Variants in ERI1 observed in about 807,000 individuals in gnomAD.
ERI1 encodes 3'-5' exoribonuclease 1.
A neutral mutation model predicts 39.7 loss-of-function variants in ERI1; 39 were observed. The observed-to-expected ratio is 0.98, with a 90% CI of 0.76 to 1.28. ERI1 has a LOEUF of 1.28. ERI1 is among the 50% of genes most tolerant of loss of function. ERI1 has a pLI of 0.00. For synonymous variants in ERI1, 204 were observed against 149.6 expected, an observed-to-expected ratio of 1.36 and a Z score of -2.65; for missense variants, 581 against 416.9, an observed-to-expected ratio of 1.39 and a Z score of -3.43.
At chr8:9,023,793 C>CATTTTT (rs1818180466) in intron 6 of ERI1, among the ~76,000 whole-genome samples, 1 of 80,532 alleles carries the variant, frequency 1.2e-5, no homozygotes, top group Non-Finnish European at 2.1e-5. Context: ...GTAAAAATGA[C>CATTTTT]TTTTTTTTTT....
At chr8:9,098,116 G>T (rs896606330) in intron 3 of ERI1, among the ~76,000 whole-genome samples, 2 of 152,232 alleles carry the variant, frequency 1.3e-5, no homozygotes, top group African/African-American at 4.8e-5. Context: ...GGGCACAGTG[G>T]CTCACACCTG....
intron 3 of ERI1, among the ~76,000 whole-genome samples, chr8:9,012,872 C>A (rs987072777): frequency 6.6e-6 from 1 of 152,050 alleles, no homozygotes; most frequent in African/African-American, 2.4e-5. Flanking sequence ...ATATGTTTAT[C>A]TCTTTCCTTT....
chr8:9,059,360 A>G (rs1406205169), intron 3 of ERI1, among the ~76,000 whole-genome samples: 2 of 152,070 alleles, frequency 1.3e-5, no homozygotes, highest in African/African-American at 4.8e-5. Flanking sequence ...AAATAGTGGT[A>G]AAGTGTTGGG....
intron 3 of ERI1, among the ~76,000 whole-genome samples, chr8:9,081,838 C>T (rs746361236): frequency 2.0e-5 from 3 of 152,052 alleles, no homozygotes; most frequent in African/African-American, 7.2e-5. Flanking sequence ...AGGGAACCCC[C>T]ACAACTCCCA....
Position 9,024,540 on chromosome 8 carries a change from C to T in ERI1, c.807+4076C>T, listed in dbSNP as rs569160761. On this transcript the variant is annotated intron_variant, in intron 6 of 6. Coordinates refer to ENST00000250263, the MANE Select transcript of ERI1 (RefSeq NM_153332.4). Reference sequence around the variant, plus strand: ...GGTTCAATCAATTCTCCTGCCTCAGCGTCTCAAGTAGCTGAGATTACAGGT... The same window carrying T: ...GGTTCAATCAATTCTCCTGCCTCAGTGTCTCAAGTAGCTGAGATTACAGGT... Among the ~76,000 whole-genome samples, 8 of 152,184 alleles carry T rather than the reference C, an allele frequency of 5.3e-5. No individual in the cohort carries two copies. The South Asian group carries it at 1.2e-3, about 24-fold the overall frequency.
intron 1 of ERI1, among the ~76,000 whole-genome samples, chr8:9,006,227 A>T (rs1407675979): frequency 4.7e-5 from 7 of 150,274 alleles, no homozygotes; most frequent in African/African-American, 1.7e-4. Context: ...TTGGGAGGAG[A>T]CACTGCTTTC....
Position 9,007,907 on chromosome 8 carries a change from G to C in ERI1, c.109-63G>C. ...TGAAAGTTTGAATCTTTAAATCTGT[G>C]ATGTTTGTACTAATTATAAACTACA... On this transcript the variant is annotated intron_variant, in intron 1 of 6. Coordinates refer to ENST00000250263, the MANE Select transcript of ERI1 (RefSeq NM_153332.4). 3 of 1,505,732 alleles carry C rather than the reference G, an allele frequency of 2.0e-6. No individual in the cohort carries two copies. In the Admixed American group the frequency reaches 7.3e-5, roughly 37 times the overall value. 93.3% of individuals were successfully genotyped at this position (1,505,732 alleles called of 1,614,324 possible).
chr8:9,025,894 C>T (rs1396912686), intron 6 of ERI1, among the ~76,000 whole-genome samples: 2 of 151,980 alleles, frequency 1.3e-5, no homozygotes, highest in African/African-American at 4.8e-5. Context: ...ATTTTTGTTT[C>T]ATATATACCT....
intron 6 of ERI1, among the ~76,000 whole-genome samples, chr8:9,024,801 T>C (rs1818300262): frequency 6.6e-6 from 1 of 152,186 alleles, no homozygotes; most frequent in Non-Finnish European, 1.5e-5. Context: ...GAAATACACC[T>C]CTTGACTGTA....
At position 9,031,599 on chromosome 8, in the gene ERI1, A is replaced by T. The variant is rs1157261180; in HGVS notation, c.*1565A>T. 1 of 152,204 alleles carries T rather than the reference A, an allele frequency of 6.6e-6. No homozygotes were observed. Among genetic ancestry groups the T allele is most frequent in the Non-Finnish European group, 1.5e-5 (1 of 68,030 alleles). 9.4% of individuals were successfully genotyped at this position (152,204 alleles called of 1,614,324 possible). A position where few individuals can be genotyped will look rare whatever the true frequency, so the allele number is the denominator to read the frequency against. On this transcript the variant is annotated 3_prime_UTR_variant, in exon 7 of 7. Transcript: ENST00000250263. ...TGAATACTGAATAGCTGAAACTGCAATTGGAAAATCTGATGATGACGAGGA... is the reference window on the plus strand; with the variant it reads ...TGAATACTGAATAGCTGAAACTGCATTTGGAAAATCTGATGATGACGAGGA...
At chr8:9,015,289 A>AT (rs775834054) in intron 3 of ERI1, among the ~76,000 whole-genome samples, 6 of 152,184 alleles carry the variant, frequency 3.9e-5, no homozygotes, top group African/African-American at 7.2e-5. Flanking sequence ...CATGAAGAAT[A>AT]TTTTTTGTCA....
In ERI1 at chr8:9,011,718, C is replaced by T. The variant is rs982911729; in HGVS notation, c.464C>T (p.Pro155Leu). Residue 155 changes from proline to leucine, a missense_variant, in exon 3 of 7, where the codon CCG becomes CTG. Transcript: ENST00000250263. Reference sequence around the variant, plus strand: ...TTTGTACATGAAATAATTGAATTTCCGGTTGTTTTACTGAATACGCATACT... The same window carrying T: ...TTTGTACATGAAATAATTGAATTTCTGGTTGTTTTACTGAATACGCATACT... ...PEFVHEIIEFPVVLLNTHTLE... is the reference protein window; with the variant it reads ...PEFVHEIIEFLVVLLNTHTLE... 26 of 1,610,516 alleles carry T rather than the reference C, an allele frequency of 1.6e-5. No individual in the cohort carries two copies. Among genetic ancestry groups the T allele is most frequent in the East Asian group, 2.2e-5 (1 of 44,854 alleles).
intron 3 of ERI1, among the ~76,000 whole-genome samples, chr8:9,047,851 C>A (rs768254263): frequency 9.2e-5 from 14 of 152,242 alleles, no homozygotes; most frequent in Non-Finnish European, 1.8e-4. Flanking sequence ...ATCGTTCACG[C>A]TGTGTGTTGG....
chr8:9,032,958 C>A lies in ERI1; in HGVS notation c.*2924C>A, dbSNP rs145487375. Reference sequence around the variant, plus strand: ...ATGGAGAAGTATATGCTCCTCGAGACCAGAGACTGTGACTTCTGCATCTTT... The same window carrying A: ...ATGGAGAAGTATATGCTCCTCGAGAACAGAGACTGTGACTTCTGCATCTTT... On this transcript the variant is annotated 3_prime_UTR_variant, in exon 7 of 7. Coordinates refer to ENST00000250263, the MANE Select transcript of ERI1 (RefSeq NM_153332.4). 6.6e-6 allele frequency: 1 copy of A among 152,274 alleles called. No individual in the cohort carries two copies. The highest frequency in any genetic ancestry group is 2.4e-5 in the African/African-American group (1 of 41,552). 9.4% of individuals were successfully genotyped at this position (152,274 alleles called of 1,614,324 possible).
chr8:9,056,614 C>G (rs2953806), intron 3 of ERI1, among the ~76,000 whole-genome samples: 1 of 151,968 alleles, frequency 6.6e-6, no homozygotes, highest in Non-Finnish European at 1.5e-5. Flanking sequence ...AATAACTTCG[C>G]GAAGGGCTCG....
In ERI1 at chr8:9,016,425, CT is replaced by C; in HGVS notation, c.582+23del. On this transcript the variant is annotated intron_variant, in intron 4 of 6. Coordinates refer to ENST00000250263, the MANE Select transcript of ERI1 (RefSeq NM_153332.4). ...ACTCAGGTTATAATTCTAAGTTCTT[CT>C]TTCTAGAGTTTGAAAGAGTTCTTGA... 6.8e-7 allele frequency: 1 copy of C among 1,481,162 alleles called. No homozygotes were observed. The highest frequency in any genetic ancestry group is 2.0e-5 in the Admixed American group (1 of 50,298). The allele number at this position is 1,481,162 out of a possible 1,614,324, so 91.8% of individuals were successfully genotyped here.
At chr8:9,072,814 GAGGGTC>G (rs111483414) in intron 3 of ERI1, among the ~76,000 whole-genome samples, 15 of 152,286 alleles carry the variant, frequency 9.8e-5, no homozygotes, top group Middle Eastern at 3.4e-3. Flanking sequence ...GAGAGAAGCA[GAGGGTC>G]AGGGTCAGGG....
chr8:9,076,873 G>C (rs796189852), intron 3 of ERI1, among the ~76,000 whole-genome samples: 2 of 152,332 alleles, frequency 1.3e-5, no homozygotes, highest in African/African-American at 4.8e-5. Context: ...ACCTTTGAAG[G>C]AGCTCTCTGG....
At chr8:9,092,802 G>A (rs1475870526) in intron 3 of ERI1, among the ~76,000 whole-genome samples, 1 of 152,198 alleles carries the variant, frequency 6.6e-6, no homozygotes, top group African/African-American at 2.4e-5. Flanking sequence ...AACAGACCGG[G>A]TGGCTTCTTA....
Sources: gnomAD v4.1 joint callset for allele counts (sites outside exome capture counted in the v4.1 genomes callset) on GRCh38, gnomAD v4.1.1 for gene constraint, MANE v1.5 for transcripts, NCBI Gene and HGNC (gene_info 2026-07-23, HGNC 2026-07-21) for gene names.